TP63: variants seen among roughly 807,000 people sequenced by gnomAD.
TP63 encodes tumor protein 63.
A neutral mutation model predicts 82.8 loss-of-function variants in TP63; 17 were observed. That is an observed-to-expected ratio of 0.21 (90% CI 0.14 to 0.31). The LOEUF (loss-of-function observed/expected upper bound fraction) is 0.31, where lower values mean the gene tolerates loss of function less well. TP63 is among the 10% of genes least tolerant of loss of function. TP63 has a pLI of 1.00. For synonymous variants in TP63, 330 were observed against 321.7 expected, an observed-to-expected ratio of 1.03 and a Z score of -0.28; for missense variants, 648 against 895.3, an observed-to-expected ratio of 0.72 and a Z score of 3.52.
intron 4 of TP63, among the ~76,000 whole-genome samples, chr3:189,814,529 G>C (rs926722495): frequency 2.0e-5 from 3 of 152,150 alleles, no homozygotes; most frequent in African/African-American, 7.2e-5. Flanking sequence ...TGTGTATCAG[G>C]TGCCTTTTTG....
intron 9 of TP63, 148 bp downstream of exon 9, chr3:189,869,554 A>G (rs1212283321): frequency 3.0e-5 from 21 of 699,238 alleles, no homozygotes; most frequent in Admixed American, 4.8e-5. Context: ...ACCGTAGACT[A>G]GATGGCTTAT....
chr3:189,679,622 G>GT (rs958172650), intron 1 of TP63, among the ~76,000 whole-genome samples: 17 of 151,960 alleles, frequency 1.1e-4, no homozygotes, highest in Admixed American at 8.5e-4. Context: ...CTGTACAAAA[G>GT]TTTTTTTGTT....
intron 4 of TP63, among the ~76,000 whole-genome samples, chr3:189,846,724 T>C (rs1482198001): frequency 7.1e-6 from 1 of 141,448 alleles, no homozygotes; most frequent in African/African-American, 2.6e-5. Context: ...TCTCACTCTA[T>C]TGCCCAGGCT....
In TP63 at chr3:189,731,466, G is replaced by T. The variant is rs11922764; in HGVS notation, c.63-6274G>T. Among the ~76,000 whole-genome samples the T allele has an allele frequency of 0.35, 52,767 of 152,064 alleles. 9,324 individuals are homozygous for T. The highest frequency in any genetic ancestry group is 0.41 in the African/African-American group (17,120 of 41,472). The stretch of plus-strand genomic sequence containing the variant: ...TTAAATTAGAAAAACTAAGCTAGAC[G>T]ACCTCTCAGGTCTATTATTTCTAAA... On this transcript the variant is annotated intron_variant, in intron 1 of 13. Coordinates refer to ENST00000264731, the MANE Select transcript of TP63 (RefSeq NM_003722.5).
chr3:189,861,054 T>C (rs1176798948), intron 4 of TP63, among the ~76,000 whole-genome samples: 1 of 152,126 alleles, frequency 6.6e-6, no homozygotes, highest in Non-Finnish European at 1.5e-5. Context: ...TTTATGTCCA[T>C]GTGTATCCTT....
At chr3:189,782,841 G>A (rs1439950419) in intron 3 of TP63, among the ~76,000 whole-genome samples, 2 of 152,000 alleles carry the variant, frequency 1.3e-5, no homozygotes, top group South Asian at 2.1e-4. Flanking sequence ...TTGTTGATGA[G>A]TTTTTACTCT....
chr3:189,880,269 C>T (rs1719769532), intron 10 of TP63: 1 of 1,414,776 alleles, frequency 7.1e-7, no homozygotes, highest in South Asian at 1.9e-5. Context: ...GTGTATCTAG[C>T]CCTCATAAAC....
chr3:189,770,582 T>G (rs1723267378), intron 3 of TP63, among the ~76,000 whole-genome samples: 1 of 151,894 alleles, frequency 6.6e-6, no homozygotes, highest in Non-Finnish European at 1.5e-5. Context: ...AAAAAATTAC[T>G]TTGACATCTA....
intron 3 of TP63, among the ~76,000 whole-genome samples, chr3:189,795,999 G>T (rs1357615326): frequency 6.6e-6 from 1 of 152,028 alleles, no homozygotes; most frequent in East Asian, 1.9e-4. Flanking sequence ...CTGACTCTCT[G>T]TGTTTATTAT....
intron 3 of TP63, among the ~76,000 whole-genome samples, chr3:189,770,429 G>C (rs899248652): frequency 1.3e-5 from 2 of 152,008 alleles, no homozygotes; most frequent in Non-Finnish European, 1.5e-5. Context: ...GCCTGGCATG[G>C]TGGCACATGC....
intron 1 of TP63, among the ~76,000 whole-genome samples, chr3:189,700,449 T>C (rs1717717141): frequency 6.6e-6 from 1 of 152,188 alleles, no homozygotes; most frequent in African/African-American, 2.4e-5. Flanking sequence ...CAAGTACTTA[T>C]TAATATCCCA....
intron 3 of TP63, among the ~76,000 whole-genome samples, chr3:189,756,933 G>T (rs1279536405): frequency 6.6e-6 from 1 of 152,192 alleles, no homozygotes; most frequent in African/African-American, 2.4e-5. Context: ...TTCTGACCTT[G>T]CATCCTCTTA....
intron 1 of TP63, among the ~76,000 whole-genome samples, chr3:189,677,902 CGT>C (rs1256617336): frequency 1.3e-5 from 2 of 151,654 alleles, no homozygotes; most frequent in Non-Finnish European, 2.9e-5. Context: ...TCTTCTGAAA[CGT>C]GTCTGTTCAT....
At chr3:189,638,585 T>A (rs1711540057) in intron 1 of TP63, among the ~76,000 whole-genome samples, 1 of 152,142 alleles carries the variant, frequency 6.6e-6, no homozygotes, top group Non-Finnish European at 1.5e-5. Flanking sequence ...CAAATTTAGA[T>A]CCAGGAAACA....
intron 1 of TP63, among the ~76,000 whole-genome samples, chr3:189,662,799 C>T (rs1714039290): frequency 6.6e-6 from 1 of 151,770 alleles, no homozygotes; most frequent in African/African-American, 2.4e-5. Flanking sequence ...ATGTTCTTTC[C>T]TCTATTTTAG....
At chr3:189,607,825 G>C in the TP63 span, among the ~76,000 whole-genome samples, 2 of 152,070 alleles carry the variant, frequency 1.3e-5, no homozygotes, top group Non-Finnish European at 2.9e-5. Flanking sequence ...TATTTATATA[G>C]TTTTAAGATG....
Position 189,894,350 on chromosome 3 carries a change from A to T in TP63, c.1891A>T (p.Ser631Cys), listed in dbSNP as rs1475677742. 6.2e-7 allele frequency: 1 copy of T among 1,613,826 alleles called. No homozygotes were observed. The change falls in exon 14 of 14, where the codon AGT becomes TGT. Residue 631 changes from serine (S) to cysteine (C), a missense_variant. Ser to Cys is a moderately radical substitution (Grantham distance 112, BLOSUM62 -1). Around this residue, in one of 5 missense-constraint regions of TP63, gnomAD observed 342 missense variants for 425.7 expected, o/e 0.80. Transcript: ENST00000264731. ...SSASTVSVGS[S>C]ETRGERVIDA... ...TGCCTCTACAGTCAGTGTGGGCTCC[A>T]GTGAGACCCGGGGTGAGCGTGTTAT...
chr3:189,621,654 T>C, the TP63 span, among the ~76,000 whole-genome samples: 7 of 152,106 alleles, frequency 4.6e-5, no homozygotes, highest in Admixed American at 1.3e-4. Context: ...ATATTTATTC[T>C]CTCTCTTCTC....
chr3:189,824,754 C>T (rs1729156842), intron 4 of TP63, among the ~76,000 whole-genome samples: 2 of 151,594 alleles, frequency 1.3e-5, no homozygotes, highest in African/African-American at 4.9e-5. Flanking sequence ...TGTCAGAATT[C>T]TCACGACTGA....
Sources: gnomAD v4.1 joint callset for allele counts (sites outside exome capture counted in the v4.1 genomes callset) on GRCh38, gnomAD v4.1.1 for gene constraint, gnomAD v4.1.1 regional missense constraint, MANE v1.5 for transcripts, NCBI Gene and HGNC (gene_info 2026-07-23, HGNC 2026-07-21) for gene names.